Variants in GDE1 observed in about 807,000 individuals in gnomAD.
GDE1 encodes the protein glycerophosphodiester phosphodiesterase 1, also known as RGS16-interacting membrane protein.
A neutral mutation model predicts 32.2 loss-of-function variants in GDE1; 24 were observed. That is an observed-to-expected ratio of 0.75 (90% CI 0.54 to 1.05). The LOEUF is 1.05. GDE1 is among the 50% of genes least tolerant of loss of function. The probability of loss-of-function intolerance (pLI) is 0.00; values close to 1 mark genes in which losing one functional copy is unlikely to be tolerated. For synonymous variants in GDE1, 159 were observed against 158.6 expected (o/e 1.00, Z -0.02); for missense variants, 380 against 415.0 (o/e 0.92, Z 0.73).
rs1444641073 is a variant in GDE1 at position 19,502,169 on chromosome 16, A to C, written c.*1301T>G. On this transcript the variant is annotated 3_prime_UTR_variant, in exon 6 of 6. Transcript: ENST00000353258. ...GTAAGGGTAGTGGCTCTGGGGGCAG[A>C]CTGACCTAGATTTGAATGCCAGTTG... 1 of 152,132 alleles carries C rather than the reference A, an allele frequency of 6.6e-6. No individual in the cohort carries two copies. The highest frequency in any genetic ancestry group is 1.5e-5 in the Non-Finnish European group (1 of 68,044). The allele number at this position is 152,132 out of a possible 1,614,324, so 9.4% of individuals were successfully genotyped here.
chr16:19,520,721 T>G (rs34469516), intron 1 of GDE1, among the ~76,000 whole-genome samples: 53,053 of 122,532 alleles, frequency 0.43, 12,465 homozygotes, highest in Middle Eastern at 0.57. Flanking sequence ...TGAGACTCTG[T>G]AAAGTAAAAA....
At chr16:19,514,986 A>G (rs1322969702) in intron 2 of GDE1, among the ~76,000 whole-genome samples, 5 of 149,642 alleles carry the variant, frequency 3.3e-5, no homozygotes, top group Non-Finnish European at 7.4e-5. Context: ...GAATCACTTG[A>G]ACCCGGGAGG....
chr16:19,514,514 C>T (rs1013254661), intron 2 of GDE1, among the ~76,000 whole-genome samples: 1 of 152,124 alleles, frequency 6.6e-6, no homozygotes, highest in African/African-American at 2.4e-5. Flanking sequence ...ACTTAATTTT[C>T]AGATTGTAAT....
chr16:19,517,575 T>C (rs1969397107), intron 1 of GDE1, among the ~76,000 whole-genome samples: 1 of 152,030 alleles, frequency 6.6e-6, no homozygotes, highest in Non-Finnish European at 1.5e-5. Flanking sequence ...CACCCTACGG[T>C]TGTTGATTAG....
Position 19,510,868 on chromosome 16 carries a change from A to G in GDE1, c.514T>C (p.Phe172Leu), listed in dbSNP as rs943685289. Residue 172 changes from phenylalanine to leucine, a missense_variant, in exon 3 of 6, where the codon TTC becomes CTC. Physicochemically the swap from Phe to Leu is conservative, Grantham distance 22. Transcript: ENST00000353258. The part of the protein sequence containing the change: ...AECLNHNLTI[F>L]FDVKGHAHKA... The stretch of plus-strand genomic sequence containing the variant: ...TGTGCATGGCCTTTGACATCAAAGA[A>G]GATTGTGAGGTTATGGTTTAGGCAC... 3.1e-6 allele frequency: 5 copies of G among 1,594,420 alleles called. No individual in the cohort carries two copies. The highest frequency in any genetic ancestry group is 4.3e-6 in the Non-Finnish European group (5 of 1,167,394).
At chr16:19,518,674 G>A (rs1021580132) in intron 1 of GDE1, among the ~76,000 whole-genome samples, 17 of 152,002 alleles carry the variant, frequency 1.1e-4, no homozygotes, top group African/African-American at 4.1e-4. Context: ...TTTTATTTAA[G>A]TACCCATAAA....
chr16:19,506,375 C>T (rs1392370550), intron 4 of GDE1, among the ~76,000 whole-genome samples: 1 of 152,084 alleles, frequency 6.6e-6, no homozygotes, highest in African/African-American at 2.4e-5. Flanking sequence ...CAGTTGCCGG[C>T]AGGGCATAGT....
At chr16:19,518,862 C>A (rs1969413894) in intron 1 of GDE1, among the ~76,000 whole-genome samples, 1 of 152,128 alleles carries the variant, frequency 6.6e-6, no homozygotes, top group African/African-American at 2.4e-5. Flanking sequence ...CCATGTGATA[C>A]AGATGTACGA....
At chr16:19,511,914 C>A (rs948412393) in intron 2 of GDE1, among the ~76,000 whole-genome samples, 1 of 152,070 alleles carries the variant, frequency 6.6e-6, no homozygotes, top group Non-Finnish European at 1.5e-5. Flanking sequence ...TTTTTTATGG[C>A]TAACTACATA....
Position 19,504,878 on chromosome 16 carries a change from T to TA in GDE1, c.848+2dup. On this transcript the variant is annotated splice_region_variant and intron_variant, in intron 5 of 5. Coordinates refer to ENST00000353258, the MANE Select transcript of GDE1 (RefSeq NM_016641.4). ...GGGTAAAATAAAAAACCTTCCAACT[T>TA]ACGGGGATACAAAATCCTTTTGCAT... is the stretch of plus-strand genomic sequence containing the variant. The TA allele has an allele frequency of 6.3e-7, 1 of 1,592,714 alleles. No individual in the cohort carries two copies. The highest frequency in any genetic ancestry group is 8.6e-7 in the Non-Finnish European group (1 of 1,162,126).
chr16:19,502,155 G>C lies in GDE1; in HGVS notation c.*1315C>G, dbSNP rs1187106021. 6.6e-6 allele frequency: 1 copy of C among 152,196 alleles called. No homozygotes were observed. Among genetic ancestry groups the C allele is most frequent in the East Asian group, 1.9e-4 (1 of 5,196 alleles). 9.4% of individuals were successfully genotyped at this position (152,196 alleles called of 1,614,324 possible). ...AGATTCAGTGAGGGGTAAGGGTAGTGGCTCTGGGGGCAGACTGACCTAGAT... is the reference window on the plus strand; with the variant it reads ...AGATTCAGTGAGGGGTAAGGGTAGTCGCTCTGGGGGCAGACTGACCTAGAT... On this transcript the variant is annotated 3_prime_UTR_variant, in exon 6 of 6. Coordinates refer to ENST00000353258, the MANE Select transcript of GDE1 (RefSeq NM_016641.4).
chr16:19,502,536 C>T lies in GDE1; in HGVS notation c.*934G>A, dbSNP rs1969190324. ...CTGAGTAGCTGGGAATACAGGCATG[C>T]ACCACCATGCCTAATTTTTTAGAGA... On this transcript the variant is annotated 3_prime_UTR_variant, in exon 6 of 6. Transcript: ENST00000353258. The T allele has an allele frequency of 6.6e-6, 1 of 151,866 alleles. No individual in the cohort carries two copies. Among genetic ancestry groups the T allele is most frequent in the African/African-American group, 2.4e-5 (1 of 41,328 alleles). The allele number at this position is 151,866 out of a possible 1,614,324, so 9.4% of individuals were successfully genotyped here.
chr16:19,505,039 G>T lies in GDE1; in HGVS notation c.690C>A (p.Ser230Arg), dbSNP rs1211549664. ...VITALTHRPW[S>R]LSHTGDGKPR... ...GTTTCCCATCTCCTGTATGGCTTAG[G>T]CTCCAAGGTCTGTGAGTTAATGCTG... The change falls in exon 5 of 6, where the codon AGC (serine) becomes AGA (arginine). Residue 230 changes from serine to arginine, a missense_variant. Ser to Arg is a moderately radical substitution (Grantham distance 110). Coordinates refer to ENST00000353258, the MANE Select transcript of GDE1 (RefSeq NM_016641.4). 3.1e-6 allele frequency: 5 copies of T among 1,612,966 alleles called. No homozygotes were observed. The African/African-American group carries it at 4.0e-5, about 13-fold the overall frequency.
At chr16:19,512,188 C>G (rs1306056773) in intron 2 of GDE1, among the ~76,000 whole-genome samples, 2 of 152,164 alleles carry the variant, frequency 1.3e-5, no homozygotes, top group Non-Finnish European at 2.9e-5. Flanking sequence ...TTCCCACCAA[C>G]AGAATATAAG....
chr16:19,512,250 TA>T (rs1177021386), intron 2 of GDE1, among the ~76,000 whole-genome samples: 1 of 152,210 alleles, frequency 6.6e-6, no homozygotes, highest in East Asian at 1.9e-4. Context: ...AAAAATCTTT[TA>T]AATAATGGCC....
chr16:19,503,177 G>A lies in GDE1; in HGVS notation c.*293C>T. ...ATCTGCAAACTGTACAATTCAATCTGTGCTTATCCTCACTGGGTCTCCCTG... is the reference window on the plus strand; with the variant it reads ...ATCTGCAAACTGTACAATTCAATCTATGCTTATCCTCACTGGGTCTCCCTG... On this transcript the variant is annotated 3_prime_UTR_variant, in exon 6 of 6. Transcript: ENST00000353258. The A allele has an allele frequency of 2.5e-6, 1 of 404,746 alleles. No homozygotes were observed. The allele number at this position is 404,746 out of a possible 1,614,324, so 25.1% of individuals were successfully genotyped here.
At chr16:19,507,360 A>C (rs923081151) in intron 4 of GDE1, among the ~76,000 whole-genome samples, 2 of 152,110 alleles carry the variant, frequency 1.3e-5, no homozygotes, top group Non-Finnish European at 2.9e-5. Flanking sequence ...ATAATTAAGA[A>C]TTTATTTTAT....
Position 19,503,482 on chromosome 16 carries a change from T to C in GDE1, c.984A>G (p.Glu328=). Residue 328 remains glutamate (E), a synonymous_variant, in exon 6 of 6, where the codon GAA becomes GAG. Transcript: ENST00000353258. ...YITDSMVEDC[E]PHF ...CCACCGTGAAAGTCTAGAAGTGAGG[T>C]TCGCAGTCTTCTACCATGCTGTCAG... The C allele has an allele frequency of 1.2e-6, 2 of 1,613,316 alleles. No homozygotes were observed. The highest frequency in any genetic ancestry group is 1.7e-6 in the Non-Finnish European group (2 of 1,179,602).
At chr16:19,508,438 A>C (rs1969275617) in intron 3 of GDE1, among the ~76,000 whole-genome samples, 1 of 152,206 alleles carries the variant, frequency 6.6e-6, no homozygotes. Flanking sequence ...AACAACAAGA[A>C]AGTCACCAGC....
Sources: allele counts gnomAD v4.1 joint callset (sites outside exome capture counted in the v4.1 genomes callset), GRCh38; gene constraint gnomAD v4.1.1; transcripts MANE v1.5; gene names NCBI Gene and HGNC (gene_info 2026-07-23, HGNC 2026-07-21).